The following PRIM2 variants were observed in gnomAD, a reference collection of about 807,000 sequenced individuals.
The protein encoded by PRIM2 is DNA primase large subunit.
Under a neutral mutation model 67.3 loss-of-function variants are expected in PRIM2, and 39 were observed. The observed-to-expected ratio is 0.58, with a 90% CI of 0.45 to 0.76. PRIM2 has a LOEUF of 0.76. Among genes scored for constraint, PRIM2 ranks in the 30% least tolerant of loss-of-function variants. PRIM2 has a pLI of 0.00. For synonymous variants in PRIM2, 143 were observed against 198.7 expected, an observed-to-expected ratio of 0.72 and a Z score of 2.36; for missense variants, 398 against 598.7, an observed-to-expected ratio of 0.66 and a Z score of 3.50.
chr6:57,259,174 A>G, the PRIM2 span, among the ~76,000 whole-genome samples: 2 of 152,210 alleles, frequency 1.3e-5, no homozygotes, highest in African/African-American at 4.8e-5. Flanking sequence ...GCACTGAAAC[A>G]GATCTGACTC....
At chr6:57,326,838 A>G (rs938496819) in intron 5 of PRIM2, among the ~76,000 whole-genome samples, 7 of 149,214 alleles carry the variant, frequency 4.7e-5, no homozygotes, top group Non-Finnish European at 1.0e-4. Flanking sequence ...ATAAAAAAAG[A>G]AGAGATCTTT....
At chr6:57,410,464 T>C (rs1461985595) in intron 7 of PRIM2, among the ~76,000 whole-genome samples, 5 of 152,260 alleles carry the variant, frequency 3.3e-5, no homozygotes, top group Non-Finnish European at 1.5e-5. Flanking sequence ...GTTCCATTGA[T>C]ATAAATGTCT....
chr6:57,637,029 C>T (rs1777134150), intron 13 of PRIM2, among the ~76,000 whole-genome samples: 1 of 152,110 alleles, frequency 6.6e-6, no homozygotes, highest in Non-Finnish European at 1.5e-5. Flanking sequence ...CTGGTGGGTG[C>T]CCCTCTGGGA....
chr6:57,318,815 G>C (rs918594707), intron 2 of PRIM2, among the ~76,000 whole-genome samples: 4 of 152,080 alleles, frequency 2.6e-5, no homozygotes, highest in Non-Finnish European at 5.9e-5. Flanking sequence ...ATATTATTGA[G>C]TGCCATTATG....
intron 7 of PRIM2, among the ~76,000 whole-genome samples, chr6:57,492,619 A>G (rs1316095653): frequency 6.6e-6 from 1 of 152,114 alleles, no homozygotes; most frequent in Non-Finnish European, 1.5e-5. Context: ...TATATTGCAA[A>G]TATTGTCATT....
chr6:57,298,524 G>A, the PRIM2 span, among the ~76,000 whole-genome samples: 1 of 152,042 alleles, frequency 6.6e-6, no homozygotes, highest in African/African-American at 2.4e-5. Flanking sequence ...TCGGGGGATG[G>A]CCCTGGGAAG....
chr6:57,380,172 T>A (rs933670807), intron 6 of PRIM2, among the ~76,000 whole-genome samples, 176 bp downstream of exon 6: 5 of 152,196 alleles, frequency 3.3e-5, no homozygotes, highest in African/African-American at 1.2e-4. Context: ...CTGGGCTGTC[T>A]CCTTCCACGG....
At chr6:57,587,506 TA>T (rs1776212187) in intron 10 of PRIM2, among the ~76,000 whole-genome samples, 1 of 151,312 alleles carries the variant, frequency 6.6e-6, no homozygotes, top group Non-Finnish European at 1.5e-5. Flanking sequence ...CTACTAAAAA[TA>T]CAAAAAATTA....
At chr6:57,437,808 G>A (rs1052740121) in intron 7 of PRIM2, among the ~76,000 whole-genome samples, 137 of 152,070 alleles carry the variant, frequency 9.0e-4, no homozygotes, top group African/African-American at 3.1e-3. Flanking sequence ...AGGACGAAAG[G>A]CAGGTAGCAC....
the PRIM2 span, among the ~76,000 whole-genome samples, chr6:57,254,372 C>T: frequency 6.6e-6 from 1 of 152,194 alleles, no homozygotes; most frequent in East Asian, 1.9e-4. Flanking sequence ...CTCTATAACC[C>T]TAACTTCCAC....
intron 7 of PRIM2, among the ~76,000 whole-genome samples, chr6:57,453,130 G>C (rs1329159018): frequency 6.6e-6 from 1 of 152,160 alleles, no homozygotes; most frequent in Non-Finnish European, 1.5e-5. Flanking sequence ...GCTCTGTTCT[G>C]TTCCATTAGT....
At chr6:57,521,728 T>C (rs1774628648) in intron 8 of PRIM2, among the ~76,000 whole-genome samples, 1 of 152,182 alleles carries the variant, frequency 6.6e-6, no homozygotes, top group Non-Finnish European at 1.5e-5. Context: ...ACCTGCCAGA[T>C]AGAAAGGAGT....
intron 5 of PRIM2, among the ~76,000 whole-genome samples, chr6:57,333,468 C>G (rs1021367999): frequency 6.6e-6 from 1 of 152,186 alleles, no homozygotes; most frequent in Non-Finnish European, 1.5e-5. Flanking sequence ...GTGTAGTGAA[C>G]TTTCATGGCG....
intron 12 of PRIM2, 132 bp downstream of exon 12, chr6:57,606,589 T>G (rs1239846778): frequency 5.3e-6 from 3 of 563,240 alleles, no homozygotes; most frequent in African/African-American, 3.7e-5. Context: ...ATCTTCAAGA[T>G]GAATTAAGTT....
At chr6:57,529,840 A>G (rs1190636484) in intron 8 of PRIM2, among the ~76,000 whole-genome samples, 1 of 152,168 alleles carries the variant, frequency 6.6e-6, no homozygotes, top group Non-Finnish European at 1.5e-5. Context: ...TTATAAAGGA[A>G]ACAAATTTAT....
chr6:57,264,971 T>C, the PRIM2 span, among the ~76,000 whole-genome samples: 1 of 152,134 alleles, frequency 6.6e-6, no homozygotes, highest in Middle Eastern at 3.2e-3. Context: ...ATCTAGAGAA[T>C]TGGATTGTGA....
At chr6:57,625,738 T>C (rs1453502725) in intron 12 of PRIM2, among the ~76,000 whole-genome samples, 5 of 152,202 alleles carry the variant, frequency 3.3e-5, no homozygotes, top group African/African-American at 4.8e-5. Context: ...CAGATAACTT[T>C]GTTTATAGAT....
chr6:57,302,952 T>C, the PRIM2 span, among the ~76,000 whole-genome samples: 1 of 152,196 alleles, frequency 6.6e-6, no homozygotes, highest in African/African-American at 2.4e-5. Context: ...AATAGACTTG[T>C]AATTCTCAAA....
the PRIM2 span, among the ~76,000 whole-genome samples, chr6:57,296,188 A>G: frequency 6.6e-6 from 1 of 152,220 alleles, no homozygotes; most frequent in Non-Finnish European, 1.5e-5. Flanking sequence ...TACATGCTGT[A>G]TGGCTAAAAG....
Sources: gnomAD v4.1 joint callset for allele counts (sites outside exome capture counted in the v4.1 genomes callset) on GRCh38, gnomAD v4.1.1 for gene constraint, MANE v1.5 for transcripts, NCBI Gene and HGNC (gene_info 2026-07-23, HGNC 2026-07-21) for gene names.